Variants in UPF1 observed in about 807,000 individuals in gnomAD.
UPF1 encodes UPF1 RNA helicase and ATPase, also known as regulator of nonsense transcripts 1.
Under a neutral mutation model 129.2 loss-of-function variants are expected in UPF1, and 9 were observed. That is an observed-to-expected ratio of 0.07 (90% CI 0.04 to 0.12). The LOEUF (loss-of-function observed/expected upper bound fraction) is 0.12. UPF1 is among the 10% of genes least tolerant of loss of function. The pLI, the probability that UPF1 is intolerant of heterozygous loss-of-function variation, is 1.00. For missense variants in UPF1, 788 were observed against 1,525.3 expected, an observed-to-expected ratio of 0.52 and a Z score of 8.05; for synonymous variants, 649 against 644.9, an observed-to-expected ratio of 1.01 and a Z score of -0.10.
intron 1 of UPF1, among the ~76,000 whole-genome samples, chr19:18,842,003 G>C (rs1277886120): frequency 6.6e-6 from 1 of 152,140 alleles, no homozygotes; most frequent in African/African-American, 2.4e-5. Flanking sequence ...GCTGAGGCAA[G>C]AGGATCTCTT....
At chr19:18,833,816 G>A (rs1289588233) in intron 1 of UPF1, among the ~76,000 whole-genome samples, 1 of 152,130 alleles carries the variant, frequency 6.6e-6, no homozygotes, top group African/African-American at 2.4e-5. Context: ...GTCCTTGCAT[G>A]GGGGGCTTAC....
intron 18 of UPF1, among the ~76,000 whole-genome samples, chr19:18,862,563 T>G (rs1050115661): frequency 6.6e-6 from 1 of 151,576 alleles, no homozygotes; most frequent in African/African-American, 2.4e-5. Context: ...AGGCCAGGCA[T>G]GGTGTCTCAC....
At chr19:18,852,943 C>T (rs774311614) in intron 6 of UPF1, 44 bp from the exon 7 acceptor site, 5 of 1,551,924 alleles carry the variant, frequency 3.2e-6, no homozygotes, top group Non-Finnish European at 4.4e-6. Flanking sequence ...AGGCCCGGGC[C>T]TGTGCTGGAG....
intron 1 of UPF1, among the ~76,000 whole-genome samples, chr19:18,841,442 T>C (rs2055540229): frequency 6.6e-6 from 1 of 152,238 alleles, no homozygotes; most frequent in Non-Finnish European, 1.5e-5. Flanking sequence ...GCGTCAACAA[T>C]GGCTTTTCAC....
rs553001483 is a variant in UPF1, at chr19:18,867,668, G to C, written c.*1151G>C. 6.5e-6 allele frequency: 1 copy of C among 152,728 alleles called. No homozygotes were observed. The highest frequency in any genetic ancestry group is 1.9e-4 in the East Asian group (1 of 5,194). 9.5% of individuals were successfully genotyped at this position (152,728 alleles called of 1,614,324 possible). On this transcript the variant is annotated 3_prime_UTR_variant, in exon 24 of 24. Coordinates refer to ENST00000262803, the MANE Select transcript of UPF1 (RefSeq NM_002911.4). ...ATGGGGTGATTGCTGCTTCTGGGGG[G>C]TAAGGAAACAAGTTACAGAAATTAC...
Position 18,832,197 on chromosome 19 carries a change from A to C in UPF1, c.-13A>C, listed in dbSNP as rs958721069. On this transcript the variant is annotated 5_prime_UTR_variant, in exon 1 of 24. Transcript: ENST00000262803. This position sits in a 1 kb window ranked among gnomAD's most constrained non-coding sequence, Gnocchi z 5.6. Reference sequence around the variant, plus strand: ...AGCGCGGAACCGGCCCGAGGGCCCTACCCGGAGGCACCATGAGCGTGGAGG... The same window carrying C: ...AGCGCGGAACCGGCCCGAGGGCCCTCCCCGGAGGCACCATGAGCGTGGAGG... The C allele has an allele frequency of 4.6e-6, 7 of 1,532,528 alleles. No individual in the cohort carries two copies. The highest frequency in any genetic ancestry group is 2.9e-5 in the African/African-American group (2 of 69,174). The allele number at this position is 1,532,528 out of a possible 1,614,324, so 94.9% of individuals were successfully genotyped here.
Position 18,832,617 on chromosome 19 carries a change from C to T in UPF1, c.231+177C>T, listed in dbSNP as rs571417997. Among the ~76,000 whole-genome samples the T allele has an allele frequency of 3.9e-5, 6 of 152,302 alleles. No homozygotes were observed. In the East Asian group the frequency reaches 1.2e-3, roughly 29 times the overall value. On this transcript the variant is annotated intron_variant, in intron 1 of 23. Coordinates refer to ENST00000262803, the MANE Select transcript of UPF1 (RefSeq NM_002911.4). The surrounding 1 kb of genome is among the most constrained non-coding windows in gnomAD (Gnocchi z 5.6). The stretch of plus-strand genomic sequence containing the variant: ...CGGCCTGAGCTTACCTGCCCCAGGT[C>T]CTGCAATCTGCCCGGGCCTGGCCTG...
Position 18,865,843 on chromosome 19 carries a change from C to G in UPF1, c.3237+65C>G. On this transcript the variant is annotated intron_variant, in intron 22 of 23. Coordinates refer to ENST00000262803, the MANE Select transcript of UPF1 (RefSeq NM_002911.4). The surrounding 1 kb of genome is among the most constrained non-coding windows in gnomAD (Gnocchi z 6.1). ...TGGGGCTATGCACCTGAAACATTCC[C>G]TCTGAAGAGCCCCAGAGAGCTGGCC... 2 of 1,599,812 alleles carry G rather than the reference C, an allele frequency of 1.3e-6. No homozygotes were observed. Among genetic ancestry groups the G allele is most frequent in the Non-Finnish European group, 1.7e-6 (2 of 1,174,816 alleles).
chr19:18,847,652 A>C, intron 2 of UPF1, 92 bp from the exon 3 acceptor site: 1 of 1,259,878 alleles, frequency 7.9e-7, no homozygotes, highest in Non-Finnish European at 1.2e-6. Context: ...AAGAACTTAA[A>C]AATGTTGTCA....
At chr19:18,854,300 C>T (rs534642556) in intron 8 of UPF1, among the ~76,000 whole-genome samples, 4 of 152,286 alleles carry the variant, frequency 2.6e-5, no homozygotes, top group African/African-American at 9.6e-5. Flanking sequence ...CTGCTGGCTT[C>T]GCTGCCGCCC....
At chr19:18,847,211 G>A (rs1219623573) in intron 2 of UPF1, among the ~76,000 whole-genome samples, 5 of 152,234 alleles carry the variant, frequency 3.3e-5, no homozygotes, top group Admixed American at 3.3e-4. Flanking sequence ...CATAAGTCCT[G>A]GTGCAGCTCT....
chr19:18,857,260 G>T, intron 14 of UPF1, 60 bp from the exon 15 acceptor site: 3 of 1,552,128 alleles, frequency 1.9e-6, no homozygotes, highest in Non-Finnish European at 2.6e-6. Flanking sequence ...CCTTGCTAGT[G>T]TGTGTTGAGG....
Position 18,854,714 on chromosome 19 carries a change from G to T in UPF1, c.1265+5G>T, listed in dbSNP as rs774996443. On this transcript the variant is annotated splice_donor_5th_base_variant and intron_variant, in intron 9 of 23. Coordinates refer to ENST00000262803, the MANE Select transcript of UPF1 (RefSeq NM_002911.4). The stretch of plus-strand genomic sequence containing the variant: ...GAAGTCGACCTCCTTTGACAGGTAC[G>T]TCTTCTCCCATCACTGCCCCCTGTT... 2 of 1,612,998 alleles carry T rather than the reference G, an allele frequency of 1.2e-6. No individual in the cohort carries two copies. The highest frequency in any genetic ancestry group is 1.7e-5 in the Admixed American group (1 of 60,002).
In UPF1 at chr19:18,865,534, G is replaced by A. The variant is rs200015046; in HGVS notation, c.3020-27G>A. On this transcript the variant is annotated intron_variant, in intron 21 of 23. Coordinates refer to ENST00000262803, the MANE Select transcript of UPF1 (RefSeq NM_002911.4). The surrounding 1 kb of genome is among the most constrained non-coding windows in gnomAD (Gnocchi z 6.1). Reference sequence around the variant, plus strand: ...TGTCTGCGAGGCCCTGGCCTCCTTCGGATCACCCTGGACTGCTGTCTTTCA... The same window carrying A: ...TGTCTGCGAGGCCCTGGCCTCCTTCAGATCACCCTGGACTGCTGTCTTTCA... 4.1e-4 allele frequency: 655 copies of A among 1,613,442 alleles called. No individual in the cohort carries two copies. Among genetic ancestry groups the A allele is most frequent in the Non-Finnish European group, 4.8e-4 (567 of 1,179,738 alleles).
intron 2 of UPF1, among the ~76,000 whole-genome samples, chr19:18,846,686 A>C (rs1402235065): frequency 6.6e-6 from 1 of 152,108 alleles, no homozygotes; most frequent in Non-Finnish European, 1.5e-5. Context: ...GGAAATGTAG[A>C]TTAGAAGAGG....
At chr19:18,862,891 G>C (rs1294918968) in intron 18 of UPF1, 5 of 152,848 alleles carry the variant, frequency 3.3e-5, no homozygotes. Flanking sequence ...TGGAAGTTGG[G>C]GGGACCTGGC....
At chr19:18,834,969 C>A (rs1453498203) in intron 1 of UPF1, among the ~76,000 whole-genome samples, 1 of 152,184 alleles carries the variant, frequency 6.6e-6, no homozygotes, top group Non-Finnish European at 1.5e-5. Context: ...CCACAACATA[C>A]AATTTACCCA....
chr19:18,832,181 C>G lies in UPF1; in HGVS notation c.-29C>G. The G allele has an allele frequency of 6.6e-7, 1 of 1,514,552 alleles. No homozygotes were observed. The highest frequency in any genetic ancestry group is 8.9e-7 in the Non-Finnish European group (1 of 1,128,330). The allele number at this position is 1,514,552 out of a possible 1,614,324, so 93.8% of individuals were successfully genotyped here. A position where few individuals can be genotyped will look rare whatever the true frequency, so the allele number is the denominator to read the frequency against. On this transcript the variant is annotated 5_prime_UTR_variant, in exon 1 of 24. Coordinates refer to ENST00000262803, the MANE Select transcript of UPF1 (RefSeq NM_002911.4). The surrounding 1 kb of genome is among the most constrained non-coding windows in gnomAD (Gnocchi z 5.6). ...CGGCGGGCTCGAGTGCAGCGCGGAA[C>G]CGGCCCGAGGGCCCTACCCGGAGGC...
At chr19:18,834,742 CTT>C (rs1175827580) in intron 1 of UPF1, among the ~76,000 whole-genome samples, 1 of 152,160 alleles carries the variant, frequency 6.6e-6, no homozygotes, top group Non-Finnish European at 1.5e-5. Flanking sequence ...AAAGTTATCT[CTT>C]GTGTGAATTG....
Sources: gnomAD v4.1 joint callset for allele counts (sites outside exome capture counted in the v4.1 genomes callset) on GRCh38, gnomAD v4.1.1 for gene constraint, Gnocchi (gnomAD v3.1) non-coding constraint, MANE v1.5 for transcripts, NCBI Gene and HGNC (gene_info 2026-07-23, HGNC 2026-07-21) for gene names.